STRBP: variants seen among roughly 807,000 people sequenced by gnomAD.
STRBP encodes the protein spermatid perinuclear RNA-binding protein.
STRBP carries 13 observed loss-of-function variants against 80.1 expected under a neutral mutation model. The observed-to-expected ratio is 0.16, with a 90% CI of 0.11 to 0.26. The LOEUF is 0.26. Ranked by LOEUF, STRBP falls within the 10% of genes least tolerant of loss-of-function variation. The pLI is 1.00. For synonymous variants in STRBP, 284 were observed against 291.2 expected, an observed-to-expected ratio of 0.98 and a Z score of 0.25; for missense variants, 485 against 815.2, an observed-to-expected ratio of 0.59 and a Z score of 4.93.
At chr9:123,220,530 A>G (rs1466286536) in intron 2 of STRBP, among the ~76,000 whole-genome samples, 2 of 152,240 alleles carry the variant, frequency 1.3e-5, no homozygotes, top group Non-Finnish European at 2.9e-5. Flanking sequence ...GAATGACTAA[A>G]CTTGTGGGCT....
rs2035624434 is a variant in STRBP at position 123,115,099 on chromosome 9, T to C, written c.*84+830A>G. On this transcript the variant is annotated intron_variant and NMD_transcript_variant, in intron 3 of 3. Coordinates refer to the STRBP transcript ENST00000471564. The surrounding 1 kb of genome is among the most constrained non-coding windows in gnomAD (Gnocchi z 5.0). Reference sequence around the variant, plus strand: ...TTGAAGGACACACCACCCAGGGCCTTTTAAGAAGTGACTGCAGACTGTGTG... The same window carrying C: ...TTGAAGGACACACCACCCAGGGCCTCTTAAGAAGTGACTGCAGACTGTGTG... The C allele has an allele frequency of 7.1e-6, 3 of 420,690 alleles. No homozygotes were observed. Among genetic ancestry groups the C allele is most frequent in the Admixed American group, 5.1e-5 (2 of 38,888 alleles). The allele number at this position is 420,690 out of a possible 1,614,324, so 26.1% of individuals were successfully genotyped here.
At chr9:123,259,341 A>T (rs1436364105) in intron 1 of STRBP, among the ~76,000 whole-genome samples, 2 of 152,198 alleles carry the variant, frequency 1.3e-5, no homozygotes, top group Non-Finnish European at 2.9e-5. Flanking sequence ...ATTTGAAATA[A>T]GGATAGAAGA....
rs2038192058 is a variant in STRBP, at chr9:123,175,746, C to T, written c.225-1904G>A. On this transcript the variant is annotated intron_variant, in intron 4 of 18. Transcript: ENST00000348403. Reference sequence around the variant, plus strand: ...AAACTTGCAAACCAGTTTCTTCAGGCTTTTATTACCTCTCACGTAGACCAC... The same window carrying T: ...AAACTTGCAAACCAGTTTCTTCAGGTTTTTATTACCTCTCACGTAGACCAC... Among the ~76,000 whole-genome samples the T allele has an allele frequency of 3.3e-5, 5 of 152,256 alleles. No individual in the cohort carries two copies. In the South Asian group the frequency reaches 1.0e-3, roughly 32 times the overall value.
chr9:123,127,358 C>G (rs1218144881), intron 18 of STRBP, among the ~76,000 whole-genome samples: 1 of 152,192 alleles, frequency 6.6e-6, no homozygotes, highest in African/African-American at 2.4e-5. Flanking sequence ...CCTTTCCCTT[C>G]TGTGTGGATG....
intron 11 of STRBP, among the ~76,000 whole-genome samples, chr9:123,152,676 T>C (rs1238755360): frequency 6.6e-6 from 1 of 151,910 alleles, no homozygotes. Context: ...ACTGAAATTA[T>C]AAAATTATGG....
intron 2 of STRBP, among the ~76,000 whole-genome samples, chr9:123,194,084 C>A (rs765079071): frequency 3.3e-5 from 5 of 152,122 alleles, no homozygotes; most frequent in Non-Finnish European, 7.4e-5. Context: ...ATCTGTCCCA[C>A]CTAAAATGCA....
At chr9:123,120,487 G>T (rs1313120768), downstream of STRBP, among the ~76,000 whole-genome samples, 1 of 45,752 alleles carries the variant, frequency 2.2e-5, no homozygotes, top group Non-Finnish European at 4.9e-5. Context: ...GCGGGCGGGG[G>T]GGTGGGGGGG....
intron 13 of STRBP, among the ~76,000 whole-genome samples, chr9:123,141,222 C>T (rs1033879987): frequency 6.6e-6 from 1 of 152,122 alleles, no homozygotes; most frequent in Admixed American, 6.5e-5. Flanking sequence ...TTACCCTAAA[C>T]CAAAAAATCG....
At position 123,224,927 on chromosome 9, in the gene STRBP, T is replaced by G. The variant is rs1193383619; in HGVS notation, c.-165+11903A>C. ...CGTGCAAATATGTTCATAGCAGTAC[T>G]TACTTGCATTAGTCAAAAACTGGAA... On this transcript the variant is annotated intron_variant, in intron 2 of 18. Transcript: ENST00000348403. Among the ~76,000 whole-genome samples the G allele has an allele frequency of 3.9e-5, 6 of 152,206 alleles. No homozygotes were observed. In the East Asian group the frequency reaches 1.2e-3, roughly 29 times the overall value.
intron 2 of STRBP, among the ~76,000 whole-genome samples, chr9:123,211,468 G>C (rs573701741): frequency 1.3e-5 from 2 of 152,194 alleles, no homozygotes; most frequent in South Asian, 4.2e-4. Context: ...GTCACATATA[G>C]GTTATTATAA....
chr9:123,196,819 C>G (rs1256172335), intron 2 of STRBP, among the ~76,000 whole-genome samples: 1 of 152,174 alleles, frequency 6.6e-6, no homozygotes, highest in Admixed American at 6.5e-5. Flanking sequence ...GTTTGGAGAA[C>G]AGTTTGAAGG....
chr9:123,118,702 T>G (rs1344138179), downstream of STRBP, among the ~76,000 whole-genome samples: 1 of 152,238 alleles, frequency 6.6e-6, no homozygotes, highest in Non-Finnish European at 1.5e-5. Context: ...CTTATTTGCC[T>G]CCTTAAAGGT....
chr9:123,121,997 CTT>C lies in STRBP; in HGVS notation c.*3598_*3599del, dbSNP rs2035749815. On this transcript the variant is annotated 3_prime_UTR_variant, in exon 19 of 19. Coordinates refer to ENST00000348403, the MANE Select transcript of STRBP (RefSeq NM_018387.5). ...CACTTAGTGTAAGTGAAATGTCTGT[CTT>C]GAGTAAAAAGCAGTTACAAGGGTAT... 2.0e-5 allele frequency: 4 copies of C among 195,904 alleles called. No individual in the cohort carries two copies. In the South Asian group the frequency reaches 2.8e-4, roughly 14 times the overall value. 12.1% of individuals were successfully genotyped at this position (195,904 alleles called of 1,614,324 possible).
At chr9:123,197,520 G>T (rs1190454678) in intron 2 of STRBP, among the ~76,000 whole-genome samples, 1 of 151,948 alleles carries the variant, frequency 6.6e-6, no homozygotes, top group Non-Finnish European at 1.5e-5. Context: ...CCTCTTCTGA[G>T]TCTCTAAAAT....
chr9:123,166,067 T>C (rs933815025), intron 6 of STRBP, among the ~76,000 whole-genome samples: 2 of 152,158 alleles, frequency 1.3e-5, no homozygotes, highest in Non-Finnish European at 2.9e-5. Flanking sequence ...ATCTACTACG[T>C]ATTAGGTACC....
chr9:123,127,310 G>A (rs918958297), intron 18 of STRBP, among the ~76,000 whole-genome samples: 8 of 152,208 alleles, frequency 5.3e-5, no homozygotes, highest in African/African-American at 1.9e-4. Flanking sequence ...TGAGGCTCAT[G>A]TAGAGGACTA....
chr9:123,136,497 T>C lies in STRBP; in HGVS notation c.1516A>G (p.Ile506Val). The C allele has an allele frequency of 6.2e-7, 1 of 1,614,064 alleles. No individual in the cohort carries two copies. Among genetic ancestry groups the C allele is most frequent in the Non-Finnish European group, 8.5e-7 (1 of 1,179,992 alleles). ...STLEVRTQGP[I>V]LTASGKNPVM... ...GGGTTTTTGCCACTTGCTGTGAGGA[T>C]AGGGCCCTGAGTTCTTACCTATAAG... Residue 506 changes from isoleucine to valine, a missense_variant, in exon 15 of 19, where the codon ATC (isoleucine) becomes GTC (valine). Transcript: ENST00000348403. The surrounding 1 kb of genome is among the most constrained non-coding windows in gnomAD (Gnocchi z 4.2).
chr9:123,239,487 A>G (rs112030957), intron 1 of STRBP, among the ~76,000 whole-genome samples: 12 of 152,178 alleles, frequency 7.9e-5, no homozygotes, highest in African/African-American at 7.2e-5. Context: ...GCCTGTCCCA[A>G]TGACAAGCCT....
At chr9:123,151,395 G>C (rs1232342988) in intron 11 of STRBP, among the ~76,000 whole-genome samples, 1 of 151,802 alleles carries the variant, frequency 6.6e-6, no homozygotes, top group East Asian at 1.9e-4. Flanking sequence ...CTCAACTGCA[G>C]AATATACATT....
Sources: allele counts gnomAD v4.1 joint callset (sites outside exome capture counted in the v4.1 genomes callset), GRCh38; gene constraint gnomAD v4.1.1; non-coding constraint Gnocchi (gnomAD v3.1); transcripts MANE v1.5; gene names NCBI Gene and HGNC (gene_info 2026-07-23, HGNC 2026-07-21).